SHTN1: variants seen among roughly 807,000 people sequenced by gnomAD.
SHTN1 encodes shootin 1.
Under a neutral mutation model 83.1 loss-of-function variants are expected in SHTN1, and 42 were observed. The observed-to-expected ratio is 0.51, with a 90% CI of 0.39 to 0.65. The LOEUF (loss-of-function observed/expected upper bound fraction) is 0.65. Among genes scored for constraint, SHTN1 ranks in the 30% least tolerant of loss-of-function variants. The pLI is 0.00. For missense variants in SHTN1, 622 were observed against 737.8 expected, an observed-to-expected ratio of 0.84 and a Z score of 1.82; for synonymous variants, 224 against 247.7, an observed-to-expected ratio of 0.90 and a Z score of 0.90.
At chr10:117,040,366 A>G (rs1852565541) in intron 2 of SHTN1, among the ~76,000 whole-genome samples, 1 of 152,208 alleles carries the variant, frequency 6.6e-6, no homozygotes, top group Non-Finnish European at 1.5e-5. Context: ...TGATCCATAC[A>G]TAATAGTCAA....
At chr10:116,957,830 C>T (rs530126936) in intron 4 of SHTN1, among the ~76,000 whole-genome samples, 71 of 152,156 alleles carry the variant, frequency 4.7e-4, no homozygotes, top group East Asian at 3.9e-4. Context: ...GAGGCTAAGG[C>T]GGGCAGGTCA....
intron 2 of SHTN1, among the ~76,000 whole-genome samples, chr10:117,036,141 G>T (rs1852493687): frequency 6.6e-6 from 1 of 151,976 alleles, no homozygotes; most frequent in Admixed American, 6.6e-5. Flanking sequence ...AATAACAAAT[G>T]CTGACAAGGA....
intron 2 of SHTN1, among the ~76,000 whole-genome samples, chr10:117,011,646 T>G (rs933155802): frequency 1.3e-5 from 2 of 152,228 alleles, no homozygotes; most frequent in Non-Finnish European, 2.9e-5. Context: ...AAAAGTCAAC[T>G]GTATTCCATA....
At chr10:116,957,924 G>C (rs1850041809) in intron 4 of SHTN1, among the ~76,000 whole-genome samples, 2 of 152,132 alleles carry the variant, frequency 1.3e-5, no homozygotes, top group South Asian at 4.2e-4. Flanking sequence ...ACTGGGTGTG[G>C]TGGCACATGC....
chr10:117,030,454 G>T (rs1054626141), intron 2 of SHTN1, among the ~76,000 whole-genome samples: 2 of 152,048 alleles, frequency 1.3e-5, no homozygotes, highest in African/African-American at 4.8e-5. Context: ...ACACAGACAA[G>T]TATCTACAAG....
At chr10:117,097,425 C>A (rs1193280898) in intron 1 of SHTN1, among the ~76,000 whole-genome samples, 1 of 152,212 alleles carries the variant, frequency 6.6e-6, no homozygotes, top group Admixed American at 6.5e-5. Context: ...TTCTACATGG[C>A]AAACAATCTT....
Position 116,906,716 on chromosome 10 carries a change from C to T in SHTN1, c.1391G>A (p.Ser464Asn). 1.2e-6 allele frequency: 2 copies of T among 1,612,598 alleles called. No homozygotes were observed. The highest frequency in any genetic ancestry group is 1.1e-5 in the South Asian group (1 of 90,752). Residue 464 changes from serine to asparagine, a missense_variant, in exon 15 of 17, where the codon AGC becomes AAC. Ser to Asn is a conservative substitution (Grantham distance 46). Around this residue, in one of 3 missense-constraint regions of SHTN1, gnomAD observed 231 missense variants for 251.6 expected, o/e 0.92. Coordinates refer to ENST00000355371, the MANE Select transcript of SHTN1 (RefSeq NM_001127211.3). Reference sequence around the variant, plus strand: ...GTTTTCAGGGTCAAGGGATTTTAAGCTTCTTGAACTAGTGGATTTGTTAAG... The same window carrying T: ...GTTTTCAGGGTCAAGGGATTTTAAGTTTCTTGAACTAGTGGATTTGTTAAG... ...GTLNKSTSSR[S>N]LKSLDPENSE...
chr10:116,984,451 T>A (rs1246569476), intron 1 of SHTN1, among the ~76,000 whole-genome samples: 1 of 152,118 alleles, frequency 6.6e-6, no homozygotes, highest in Non-Finnish European at 1.5e-5. Flanking sequence ...TCTGCAAGCA[T>A]CTCAAACTCA....
chr10:117,027,195 G>GT lies in SHTN1; in HGVS notation c.-123+21249_-123+21250insA, dbSNP rs201460704. Among the ~76,000 whole-genome samples, 85 of 151,998 alleles carry GT rather than the reference G, an allele frequency of 5.6e-4. No homozygotes were observed. The East Asian group carries it at 0.016, about 29-fold the overall frequency. ...TCAGTTGGAATCCCCAACATTGGAGGGGGGGCCTGGTTGGAGGTGACTGGC... is the reference window on the plus strand; with the variant it reads ...TCAGTTGGAATCCCCAACATTGGAGGTGGGGGCCTGGTTGGAGGTGACTGGC... On this transcript the variant is annotated intron_variant, in intron 2 of 17. Coordinates refer to the SHTN1 transcript ENST00000392901.
rs371903934 is a variant in SHTN1 at position 116,922,499 on chromosome 10, C to T, written c.1113-983G>A. Among the ~76,000 whole-genome samples the T allele has an allele frequency of 9.2e-5, 14 of 152,172 alleles. 1 individual carries two copies. The highest frequency in any genetic ancestry group is 8.5e-4 in the Admixed American group (13 of 15,264). On this transcript the variant is annotated intron_variant, in intron 11 of 16. Coordinates refer to ENST00000355371, the MANE Select transcript of SHTN1 (RefSeq NM_001127211.3). ...AGGCAAGCACTTGCGCACCAGAATA[C>T]ATGAACAAGAATGTTCATGAAGAAT...
intron 4 of SHTN1, among the ~76,000 whole-genome samples, 160 bp from the exon 5 acceptor site, chr10:116,954,370 A>G (rs1849898328): frequency 6.6e-6 from 1 of 152,200 alleles, no homozygotes; most frequent in East Asian, 1.9e-4. Context: ...GTTTTATATT[A>G]AATTTATTTC....
At chr10:117,047,538 T>C (rs1852682837) in intron 2 of SHTN1, among the ~76,000 whole-genome samples, 1 of 152,138 alleles carries the variant, frequency 6.6e-6, no homozygotes, top group African/African-American at 2.4e-5. Context: ...TCAACGATAA[T>C]TGCGATACAG....
chr10:116,970,415 C>T (rs985736154), intron 2 of SHTN1, among the ~76,000 whole-genome samples: 4 of 152,228 alleles, frequency 2.6e-5, no homozygotes, highest in South Asian at 2.1e-4. Context: ...TCAACATAAA[C>T]GTTAAAAACC....
intron 8 of SHTN1, among the ~76,000 whole-genome samples, chr10:116,944,442 T>C (rs1052272673): frequency 6.6e-6 from 1 of 152,340 alleles, no homozygotes; most frequent in African/African-American, 2.4e-5. Context: ...GTAACTGACA[T>C]GGCCAAAATT....
intron 9 of SHTN1, among the ~76,000 whole-genome samples, chr10:116,934,236 C>A (rs952978160): frequency 1.3e-5 from 2 of 152,118 alleles, no homozygotes; most frequent in African/African-American, 4.8e-5. Flanking sequence ...GAAGTCTTTG[C>A]CCATGCCTAT....
At chr10:116,887,252 T>G (rs1243385064) in intron 16 of SHTN1, among the ~76,000 whole-genome samples, 1 of 152,178 alleles carries the variant, frequency 6.6e-6, no homozygotes, top group African/African-American at 2.4e-5. Flanking sequence ...TTCCACAGAC[T>G]CCTTCTCTCG....
At chr10:116,975,401 C>T (rs1047223252) in intron 2 of SHTN1, among the ~76,000 whole-genome samples, 32 of 152,044 alleles carry the variant, frequency 2.1e-4, no homozygotes, top group African/African-American at 7.7e-4. Context: ...AGAGTAGGAA[C>T]CTTGTCTTTT....
chr10:117,121,453 C>T (rs775499635), intron 1 of SHTN1, among the ~76,000 whole-genome samples: 1 of 152,058 alleles, frequency 6.6e-6, no homozygotes, highest in African/African-American at 2.4e-5. Context: ...GTGGCACACG[C>T]CTGTAATCCC....
chr10:117,069,315 C>A (rs192497314), intron 1 of SHTN1, among the ~76,000 whole-genome samples: 1 of 152,168 alleles, frequency 6.6e-6, no homozygotes, highest in Admixed American at 6.5e-5. Flanking sequence ...GCACCAATCT[C>A]GGATTAGAGC....
Sources: gnomAD v4.1 joint callset for allele counts (sites outside exome capture counted in the v4.1 genomes callset) on GRCh38, gnomAD v4.1.1 for gene constraint, gnomAD v4.1.1 regional missense constraint, MANE v1.5 for transcripts, NCBI Gene and HGNC (gene_info 2026-07-23, HGNC 2026-07-21) for gene names.